Variants in ADGRL1 observed in about 807,000 individuals in gnomAD.
The protein encoded by ADGRL1 is adhesion G protein-coupled receptor L1, also known as CIRL-1.
In ADGRL1, 31 loss-of-function variants were observed where a neutral mutation model predicts 148.9. The ratio of observed to expected loss-of-function variants is 0.21; its 90% CI spans 0.16 to 0.28. The LOEUF (loss-of-function observed/expected upper bound fraction) is 0.28. Among genes scored for constraint, ADGRL1 ranks in the 10% least tolerant of loss-of-function variants. The pLI is 1.00. For missense variants in ADGRL1, 1,521 were observed against 2,058.8 expected (o/e 0.74, Z 5.05); for synonymous variants, 937 against 900.3 (o/e 1.04, Z -0.73).
Position 14,201,325 on chromosome 19 carries a change from G to T in ADGRL1, c.-96+4660C>A, listed in dbSNP as rs576767738. Among the ~76,000 whole-genome samples, 16 of 143,984 alleles carry T rather than the reference G, an allele frequency of 1.1e-4. No individual in the cohort carries two copies. The South Asian group carries it at 1.2e-3, about 11-fold the overall frequency. 94.5% of individuals were successfully genotyped at this position (143,984 alleles called of 152,430 possible). A position where few individuals can be genotyped will look rare whatever the true frequency, so the allele number is the denominator to read the frequency against. ...TTGTTTTTTTTTTTTGGCGGGGTGGGGGGGGGCAAGGTTATTTTTGGCCTG... is the reference window on the plus strand; with the variant it reads ...TTGTTTTTTTTTTTTGGCGGGGTGGTGGGGGGCAAGGTTATTTTTGGCCTG... On this transcript the variant is annotated intron_variant, in intron 1 of 22. Transcript: ENST00000361434.
chr19:14,196,429 G>A (rs1226334003), intron 1 of ADGRL1, among the ~76,000 whole-genome samples: 1 of 152,202 alleles, frequency 6.6e-6, no homozygotes, highest in African/African-American at 2.4e-5. Flanking sequence ...GACCAGCCTG[G>A]GGAACATAGT....
intron 12 of ADGRL1, 141 bp from the exon 13 acceptor site, chr19:14,158,193 A>G: frequency 1.6e-6 from 2 of 1,218,150 alleles, no homozygotes; most frequent in Non-Finnish European, 2.3e-6. Flanking sequence ...ACATTCTGAG[A>G]GCTCTGGGGA....
At chr19:14,197,658 C>T (rs1972346426) in intron 1 of ADGRL1, among the ~76,000 whole-genome samples, 1 of 152,162 alleles carries the variant, frequency 6.6e-6, no homozygotes, top group Admixed American at 6.6e-5. Context: ...CTCTCATATC[C>T]ACTCTCACAG....
At chr19:14,203,317 A>G (rs1808675) in intron 1 of ADGRL1, among the ~76,000 whole-genome samples, 116,968 of 151,980 alleles carry the variant, frequency 0.77, 45,917 homozygotes, top group African/African-American at 0.94. Flanking sequence ...CGCCAGGGAG[A>G]AAGGAGGGGG....
In ADGRL1 at chr19:14,151,114, G is replaced by GTTGGCCCGCTGGCATAGA; in HGVS notation, c.4168_4169insTCTATGCCAGCGGGCCAA (p.Pro1390delinsLeuTyrAlaSerGlyProThr). 6.4e-7 allele frequency: 1 copy of GTTGGCCCGCTGGCATAGA among 1,565,048 alleles called. No individual in the cohort carries two copies. Among genetic ancestry groups the GTTGGCCCGCTGGCATAGA allele is most frequent in the Non-Finnish European group, 8.6e-7 (1 of 1,158,038 alleles). ...CTCAGGGCTGCTGTCCGGGTAGGAG[G>GTTGGCCCGCTGGCATAGA]GTGAGTCCCGCAGGTTGGCCCCGCT... On this transcript the variant is annotated protein_altering_variant, in exon 23 of 23. Transcript: ENST00000361434.
chr19:14,201,314 TGGCG>T (rs1972592671), intron 1 of ADGRL1, among the ~76,000 whole-genome samples: 2 of 115,080 alleles, frequency 1.7e-5, no homozygotes, highest in East Asian at 5.4e-4. Context: ...TTTTTTTTTT[TGGCG>T]GGGTGGGGGG....
chr19:14,174,261 G>A (rs1292871168), intron 3 of ADGRL1, among the ~76,000 whole-genome samples: 1 of 152,218 alleles, frequency 6.6e-6, no homozygotes, highest in Admixed American at 6.5e-5. Flanking sequence ...CAGGGAGGGG[G>A]CCCACAGCCT....
chr19:14,188,063 C>T (rs1599498405), intron 1 of ADGRL1, among the ~76,000 whole-genome samples: 1 of 152,208 alleles, frequency 6.6e-6, no homozygotes, highest in South Asian at 2.1e-4. Context: ...TGCCACTGCA[C>T]TCCAGTCTGG....
At chr19:14,158,147 TA>T (rs2144685684) in intron 12 of ADGRL1, 95 bp from the exon 13 acceptor site, 1 of 1,389,634 alleles carries the variant, frequency 7.2e-7, no homozygotes, top group Non-Finnish European at 1.0e-6. Flanking sequence ...TGGTACCAAG[TA>T]TCAAAGAAGT....
In ADGRL1 at chr19:14,155,804, C is replaced by T. The variant is rs1599393371; in HGVS notation, c.3126-277G>A. On this transcript the variant is annotated intron_variant, in intron 17 of 22. Coordinates refer to ENST00000361434, the MANE Select transcript of ADGRL1 (RefSeq NM_014921.5). This position sits in a 1 kb window ranked among gnomAD's most constrained non-coding sequence, Gnocchi z 5.0. Reference sequence around the variant, plus strand: ...TTGTTTCTGCTAAATTTCCAGACCACTTAGGCTATATTTGCTGCCTATTTC... The same window carrying T: ...TTGTTTCTGCTAAATTTCCAGACCATTTAGGCTATATTTGCTGCCTATTTC... 1 of 579,088 alleles carries T rather than the reference C, an allele frequency of 1.7e-6. No homozygotes were observed. The highest frequency in any genetic ancestry group is 1.9e-5 in the African/African-American group (1 of 53,632). The allele number at this position is 579,088 out of a possible 1,614,324, so 35.9% of individuals were successfully genotyped here.
In ADGRL1 at chr19:14,155,162, A is replaced by C. The variant is rs774397532; in HGVS notation, c.3294+197T>G. ...TATCTTGTTTTCCAGAACCCTCTTC[A>C]CCCGTGGTTAAACCCTCCCTAACCC... On this transcript the variant is annotated intron_variant, in intron 18 of 22. Coordinates refer to ENST00000361434, the MANE Select transcript of ADGRL1 (RefSeq NM_014921.5). This position sits in a 1 kb window ranked among gnomAD's most constrained non-coding sequence, Gnocchi z 5.0. 2.6e-5 allele frequency: 13 copies of C among 501,034 alleles called. No individual in the cohort carries two copies. The highest frequency in any genetic ancestry group is 4.3e-5 in the Non-Finnish European group (12 of 281,904). The allele number at this position is 501,034 out of a possible 1,614,324, so 31.0% of individuals were successfully genotyped here. A position where few individuals can be genotyped will look rare whatever the true frequency, so the allele number is the denominator to read the frequency against.
chr19:14,184,147 C>G (rs943487842), intron 1 of ADGRL1, among the ~76,000 whole-genome samples: 1 of 152,214 alleles, frequency 6.6e-6, no homozygotes, highest in Non-Finnish European at 1.5e-5. Context: ...ATCCAAGCCC[C>G]CGCCCCCAGC....
intron 16 of ADGRL1, 87 bp downstream of exon 16, chr19:14,156,566 TGGGGG>T: frequency 3.9e-6 from 2 of 507,700 alleles, no homozygotes; most frequent in African/African-American, 4.5e-5. Context: ...TGTGTGTGTG[TGGGGG>T]GGGTGGGGGG....
intron 2 of ADGRL1, 64 bp from the exon 3 acceptor site, chr19:14,177,808 A>G: frequency 6.9e-7 from 1 of 1,453,062 alleles, no homozygotes; most frequent in Non-Finnish European, 9.4e-7. Context: ...GACCCTACCC[A>G]CTGCCAAGAA....
At chr19:14,197,337 CG>C (rs753936744) in intron 1 of ADGRL1, among the ~76,000 whole-genome samples, 2 of 152,124 alleles carry the variant, frequency 1.3e-5, no homozygotes, top group Non-Finnish European at 2.9e-5. Flanking sequence ...GGGTAGGGGT[CG>C]TTCAAAAAAT....
chr19:14,156,044 A>AGAGGTGGGCCCAGCGT, intron 17 of ADGRL1, 66 bp downstream of exon 17: 2 of 1,068,302 alleles, frequency 1.9e-6, no homozygotes, highest in Non-Finnish European at 2.6e-6. Context: ...ACACCCTGGA[A>AGAGGTGGGCCCAGCGT]GAGGTGGGCC....
At position 14,183,708 on chromosome 19, in the gene ADGRL1, A is replaced by C; in HGVS notation, c.-95-11T>G. 1 of 1,023,432 alleles carries C rather than the reference A, an allele frequency of 9.8e-7. No homozygotes were observed. Among genetic ancestry groups the C allele is most frequent in the Non-Finnish European group, 1.4e-6 (1 of 698,482 alleles). The allele number at this position is 1,023,432 out of a possible 1,614,324, so 63.4% of individuals were successfully genotyped here. On this transcript the variant is annotated splice_polypyrimidine_tract_variant and intron_variant, in intron 1 of 22. Coordinates refer to ENST00000361434, the MANE Select transcript of ADGRL1 (RefSeq NM_014921.5). ...GCCTGGACCACCAGCCTGGGGGAGG[A>C]CAGGGAGACTGAGGTGGGGATAGGG...
At chr19:14,156,606 C>A in intron 16 of ADGRL1, 52 bp downstream of exon 16, 1 of 1,501,830 alleles carries the variant, frequency 6.7e-7, no homozygotes, top group Non-Finnish European at 9.1e-7. Context: ...GGGGTCAAGG[C>A]CAGCCTGGAT....
rs770682358 is a variant in ADGRL1 at position 14,162,853 on chromosome 19, C to A, written c.948G>T (p.Val316=). 1.2e-6 allele frequency: 2 copies of A among 1,614,108 alleles called. No individual in the cohort carries two copies. Among genetic ancestry groups the A allele is most frequent in the Admixed American group, 1.7e-5 (1 of 60,020 alleles). ...DKRSASNAFM[V]CGVLYVLRSV... ...AACGCAGGACGTACAGGACCCCACACACCATGAAGGCGTTGGATGCCGAGC... is the reference window on the plus strand; with the variant it reads ...AACGCAGGACGTACAGGACCCCACAAACCATGAAGGCGTTGGATGCCGAGC... Residue 316 remains valine (V), a synonymous_variant, in exon 5 of 23, where the codon GTG becomes GTT. Coordinates refer to ENST00000361434, the MANE Select transcript of ADGRL1 (RefSeq NM_014921.5). The surrounding 1 kb of genome is among the most constrained non-coding windows in gnomAD (Gnocchi z 5.4).
Sources: gnomAD v4.1 joint callset for allele counts (sites outside exome capture counted in the v4.1 genomes callset) on GRCh38, gnomAD v4.1.1 for gene constraint, Gnocchi (gnomAD v3.1) non-coding constraint, MANE v1.5 for transcripts, NCBI Gene and HGNC (gene_info 2026-07-23, HGNC 2026-07-21) for gene names.